The following ZNF714 variants were observed in gnomAD, a reference collection of about 807,000 sequenced individuals.
ZNF714 encodes zinc finger protein 714.
Under a neutral mutation model 46.2 loss-of-function variants are expected in ZNF714, and 32 were observed. That is an observed-to-expected ratio of 0.69 (90% CI 0.52 to 0.93). The LOEUF (loss-of-function observed/expected upper bound fraction) is 0.93, where lower values mean the gene tolerates loss of function less well. Ranked by LOEUF, ZNF714 falls within the 40% of genes least tolerant of loss-of-function variation. The pLI, the probability that ZNF714 is intolerant of heterozygous loss-of-function variation, is 0.00. For synonymous variants in ZNF714, 199 were observed against 213.1 expected, an observed-to-expected ratio of 0.93 and a Z score of 0.58; for missense variants, 635 against 646.3, an observed-to-expected ratio of 0.98 and a Z score of 0.19.
At position 21,117,643 on chromosome 19, in the gene ZNF714, A is replaced by G. The variant is rs1374010826; in HGVS notation, c.979A>G (p.Thr327Ala). 18 of 1,613,214 alleles carry G rather than the reference A, an allele frequency of 1.1e-5. No homozygotes were observed. The highest frequency in any genetic ancestry group is 1.4e-5 in the Non-Finnish European group (17 of 1,179,718). The change falls in exon 5 of 5, where the codon ACC becomes GCC. Residue 327 changes from threonine to alanine, a missense_variant. Transcript: ENST00000456283. ...TGGCAAAGGCTTTAACTGGTCTTCA[A>G]CCCTTACAAAACATAAAAGAATTCA... is the stretch of plus-strand genomic sequence containing the variant. ...QCGKGFNWSS[T>A]LTKHKRIHTG...
At position 21,120,656 on chromosome 19, in the gene ZNF714, T is replaced by G. The variant is rs1303216805; in HGVS notation, c.*2324T>G. The stretch of plus-strand genomic sequence containing the variant: ...ATGTTAAATACTATTGTGCATTCAA[T>G]GAAGCATTATTATACCACAAACTTT... On this transcript the variant is annotated 3_prime_UTR_variant, in exon 5 of 5. Coordinates refer to ENST00000456283, the MANE Select transcript of ZNF714 (RefSeq NM_182515.4). The G allele has an allele frequency of 6.6e-6, 1 of 152,176 alleles. No homozygotes were observed. The highest frequency in any genetic ancestry group is 1.5e-5 in the Non-Finnish European group (1 of 68,024). 9.4% of individuals were successfully genotyped at this position (152,176 alleles called of 1,614,324 possible).
rs112345825 is a variant in ZNF714, at chr19:21,082,322, G to T, written c.-203G>T. The stretch of plus-strand genomic sequence containing the variant: ...GTATTGAGAGATCCACAGCTAAGAC[G>T]CCAGGTACCCCGGAAGCCTAGAAAT... On this transcript the variant is annotated 5_prime_UTR_variant, in exon 1 of 5. Coordinates refer to ENST00000456283, the MANE Select transcript of ZNF714 (RefSeq NM_182515.4). 3.6e-5 allele frequency: 52 copies of T among 1,454,058 alleles called. No homozygotes were observed. The Admixed American group carries it at 5.6e-4, about 16-fold the overall frequency. The allele number at this position is 1,454,058 out of a possible 1,614,324, so 90.1% of individuals were successfully genotyped here.
intron 4 of ZNF714, among the ~76,000 whole-genome samples, chr19:21,108,085 C>T (rs1355736300): frequency 1.3e-5 from 2 of 152,022 alleles, no homozygotes; most frequent in Non-Finnish European, 2.9e-5. Flanking sequence ...TACCATGCCT[C>T]GCTAATTTTT....
At chr19:21,082,995 TTTGTTTC>T (rs1968692151) in intron 1 of ZNF714, among the ~76,000 whole-genome samples, 1 of 152,120 alleles carries the variant, frequency 6.6e-6, no homozygotes, top group African/African-American at 2.4e-5. Flanking sequence ...AAGGATGAAT[TTTGTTTC>T]TCTCAATGTA....
chr19:21,088,281 A>C (rs73020661), intron 2 of ZNF714, among the ~76,000 whole-genome samples: 1 of 152,172 alleles, frequency 6.6e-6, no homozygotes, highest in Admixed American at 6.5e-5. Context: ...CTAAACATCC[A>C]TCTTTTTAAA....
At chr19:21,097,723 T>A (rs1002750359) in intron 2 of ZNF714, among the ~76,000 whole-genome samples, 2 of 151,894 alleles carry the variant, frequency 1.3e-5, no homozygotes, top group African/African-American at 4.8e-5. Flanking sequence ...ACATTGGCAT[T>A]GCTAGTAACC....
At chr19:21,098,354 G>C (rs759144223) in intron 3 of ZNF714, 43 bp downstream of exon 3, 6 of 1,579,992 alleles carry the variant, frequency 3.8e-6, no homozygotes, top group Non-Finnish European at 5.1e-6. Flanking sequence ...TACCCTAAAC[G>C]TTTTATGTCT....
At chr19:21,084,884 T>C (rs1968739796) in intron 2 of ZNF714, among the ~76,000 whole-genome samples, 1 of 152,038 alleles carries the variant, frequency 6.6e-6, no homozygotes. Context: ...CCTCCCAAAG[T>C]GCTGGGATAA....
chr19:21,098,905 C>T lies in ZNF714; in HGVS notation c.137C>T (p.Ser46Phe). Residue 46 changes from serine (S) to phenylalanine (F), a missense_variant, in exon 4 of 5, where the codon TCC becomes TTC. Physicochemically the swap from Ser to Phe is radical, Grantham distance 155. Coordinates refer to ENST00000456283, the MANE Select transcript of ZNF714 (RefSeq NM_182515.4). The stretch of plus-strand genomic sequence containing the variant: ...AAGATATGTGAGATGGTGGATGAAT[C>T]CCCAGGTAGGTGAGAGTGAACACAA... Reference protein sequence around the residue: ...NMKICEMVDESPAMCSSFTRD... With the variant: ...NMKICEMVDEFPAMCSSFTRD... The T allele has an allele frequency of 6.3e-7, 1 of 1,597,500 alleles. No homozygotes were observed. Among genetic ancestry groups the T allele is most frequent in the Non-Finnish European group, 8.6e-7 (1 of 1,168,934 alleles).
chr19:21,108,217 G>A (rs1969367853), intron 4 of ZNF714, among the ~76,000 whole-genome samples: 1 of 152,136 alleles, frequency 6.6e-6, no homozygotes, highest in South Asian at 2.1e-4. Context: ...GGGATTGTAG[G>A]TACCAACCAC....
chr19:21,093,399 A>G (rs1233402832), intron 2 of ZNF714, among the ~76,000 whole-genome samples: 1 of 150,734 alleles, frequency 6.6e-6, no homozygotes, highest in Non-Finnish European at 1.5e-5. Context: ...CTCATGGCTA[A>G]TTTTATATTT....
At chr19:21,085,654 C>A (rs775942122) in intron 2 of ZNF714, among the ~76,000 whole-genome samples, 1 of 150,506 alleles carries the variant, frequency 6.6e-6, no homozygotes, top group East Asian at 1.9e-4. Context: ...ATTAAAGGAC[C>A]AGCTAGTTTA....
intron 2 of ZNF714, among the ~76,000 whole-genome samples, chr19:21,088,476 C>G (rs1968836232): frequency 6.6e-6 from 1 of 152,072 alleles, no homozygotes; most frequent in Non-Finnish European, 1.5e-5. Context: ...GTCAAAGAAC[C>G]AATTTATGAC....
intron 2 of ZNF714, among the ~76,000 whole-genome samples, chr19:21,097,921 G>A (rs778824621): frequency 1.4e-4 from 21 of 152,126 alleles, no homozygotes; most frequent in Non-Finnish European, 2.6e-4. Flanking sequence ...ACTCAAAAAT[G>A]TATACGTTTG....
At chr19:21,099,424 C>T (rs112598699) in intron 4 of ZNF714, among the ~76,000 whole-genome samples, 6,931 of 151,138 alleles carry the variant, frequency 0.046, 534 homozygotes, top group African/African-American at 0.16. Context: ...AAGTGATCTG[C>T]GCACCTAGGC....
rs1443077764 is a variant in ZNF714, at chr19:21,122,044, T to A, written c.*3712T>A. On this transcript the variant is annotated 3_prime_UTR_variant, in exon 5 of 5. Coordinates refer to ENST00000456283, the MANE Select transcript of ZNF714 (RefSeq NM_182515.4). Reference sequence around the variant, plus strand: ...GTTCTTTTAAGGGGAGAACAATATATAAGTTTTCTTTTCTTTAGTGATTGT... The same window carrying A: ...GTTCTTTTAAGGGGAGAACAATATAAAAGTTTTCTTTTCTTTAGTGATTGT... 2 of 152,218 alleles carry A rather than the reference T, an allele frequency of 1.3e-5. No individual in the cohort carries two copies. Among genetic ancestry groups the A allele is most frequent in the Non-Finnish European group, 2.9e-5 (2 of 68,034 alleles). The allele number at this position is 152,218 out of a possible 1,614,324, so 9.4% of individuals were successfully genotyped here. A position where few individuals can be genotyped will look rare whatever the true frequency, so the allele number is the denominator to read the frequency against.
chr19:21,123,572 G>A lies in ZNF714; in HGVS notation c.*5240G>A, dbSNP rs898322165. On this transcript the variant is annotated 3_prime_UTR_variant, in exon 5 of 5. Transcript: ENST00000456283. ...GGATTTCACCATGTTAGCCAGGATGGTCTCAATCTCCTGACCTCGTGATCC... is the reference window on the plus strand; with the variant it reads ...GGATTTCACCATGTTAGCCAGGATGATCTCAATCTCCTGACCTCGTGATCC... Among the ~76,000 whole-genome samples, 3 of 152,026 alleles carry A rather than the reference G, an allele frequency of 2.0e-5. No homozygotes were observed. The highest frequency in any genetic ancestry group is 2.9e-5 in the Non-Finnish European group (2 of 67,992).
At chr19:21,108,715 T>G (rs1969378699) in intron 4 of ZNF714, among the ~76,000 whole-genome samples, 1 of 152,214 alleles carries the variant, frequency 6.6e-6, no homozygotes, top group Non-Finnish European at 1.5e-5. Context: ...CCTTCTTTCT[T>G]TATAAGTTAT....
chr19:21,109,756 C>CG (rs1418921824), intron 4 of ZNF714: 52 of 148,556 alleles, frequency 3.5e-4, no homozygotes, highest in African/African-American at 1.2e-3. Context: ...TCTCCCTCCC[C>CG]TGCAACAGGC....
Sources: allele counts gnomAD v4.1 joint callset (sites outside exome capture counted in the v4.1 genomes callset), GRCh38; gene constraint gnomAD v4.1.1; transcripts MANE v1.5; gene names NCBI Gene and HGNC (gene_info 2026-07-23, HGNC 2026-07-21).